Variants in SLC36A1 observed in about 807,000 individuals in gnomAD.
SLC36A1 encodes the protein solute carrier family 36 member 1.
Under a neutral mutation model 47.5 loss-of-function variants are expected in SLC36A1, and 30 were observed. The ratio of observed to expected loss-of-function variants is 0.63; its 90% CI spans 0.47 to 0.86. The LOEUF (loss-of-function observed/expected upper bound fraction) is 0.86, where lower values mean the gene tolerates loss of function less well. Among genes scored for constraint, SLC36A1 ranks in the 40% least tolerant of loss-of-function variants. The pLI, the probability that SLC36A1 is intolerant of heterozygous loss-of-function variation, is 0.00. For synonymous variants in SLC36A1, 255 were observed against 249.7 expected (o/e 1.02, Z -0.20); for missense variants, 517 against 606.0 (o/e 0.85, Z 1.54).
At chr5:151,356,354 A>C in the SLC36A1 span, among the ~76,000 whole-genome samples, 1 of 149,306 alleles carries the variant, frequency 6.7e-6, no homozygotes, top group Non-Finnish European at 1.5e-5. Context: ...AAAAAAAAAA[A>C]AAAAAAGAAT....
the SLC36A1 span, chr5:151,554,478 C>T: frequency 6.2e-7 from 1 of 1,614,096 alleles, no homozygotes; most frequent in South Asian, 1.1e-5. Flanking sequence ...GTGACTCTGC[C>T]ATTAAGACCC....
At chr5:151,407,835 C>T in the SLC36A1 span, among the ~76,000 whole-genome samples, 4 of 152,202 alleles carry the variant, frequency 2.6e-5, no homozygotes, top group Admixed American at 2.6e-4. Context: ...CTTAGAAATC[C>T]TCTGGTCTGA....
the SLC36A1 span, among the ~76,000 whole-genome samples, chr5:151,424,212 G>C: frequency 1.3e-5 from 2 of 152,194 alleles, no homozygotes; most frequent in Non-Finnish European, 2.9e-5. Context: ...CATTATGTTG[G>C]ACAGGACATG....
chr5:151,521,900 T>A, the SLC36A1 span: 1 of 1,613,820 alleles, frequency 6.2e-7, no homozygotes, highest in Non-Finnish European at 8.5e-7. Context: ...AGGCTATAGG[T>A]CAGCGTGTCC....
chr5:151,355,119 A>G, the SLC36A1 span, among the ~76,000 whole-genome samples: 1 of 152,184 alleles, frequency 6.6e-6, no homozygotes, highest in Non-Finnish European at 1.5e-5. Context: ...AGTGAGGTGT[A>G]ATAAAAAGAG....
At chr5:151,516,171 A>G in the SLC36A1 span, among the ~76,000 whole-genome samples, 1 of 152,154 alleles carries the variant, frequency 6.6e-6, no homozygotes, top group East Asian at 1.9e-4. Context: ...TTGCTCAATT[A>G]TTATCTCAAT....
chr5:151,473,156 CAGAA>C (rs1237153184), intron 7 of SLC36A1, among the ~76,000 whole-genome samples: 1 of 151,380 alleles, frequency 6.6e-6, no homozygotes, highest in Non-Finnish European at 1.5e-5. Flanking sequence ...GCCTGGGTGA[CAGAA>C]GGAGACTCTG....
chr5:151,371,904 A>G, the SLC36A1 span, among the ~76,000 whole-genome samples: 3 of 152,034 alleles, frequency 2.0e-5, no homozygotes. Context: ...AGACAGGGAA[A>G]GGGGAGGGAG....
chr5:151,416,372 A>G, the SLC36A1 span, among the ~76,000 whole-genome samples: 1 of 152,210 alleles, frequency 6.6e-6, no homozygotes, highest in Admixed American at 6.5e-5. Context: ...TGCTTTGATC[A>G]CAAGTAACAG....
At chr5:151,512,224 TCA>T in the SLC36A1 span, 1 of 1,614,070 alleles carries the variant, frequency 6.2e-7, no homozygotes. The surrounding 1 kb of genome is among the most constrained non-coding windows in gnomAD (Gnocchi z 4.1). Context: ...GCTGCAGTAG[TCA>T]CTGTGGAGGC....
chr5:151,400,473 T>A, the SLC36A1 span, among the ~76,000 whole-genome samples: 1 of 152,210 alleles, frequency 6.6e-6, no homozygotes, highest in East Asian at 1.9e-4. Context: ...AACATATGCA[T>A]GCATGTGTCT....
At chr5:151,492,876 G>A (rs1408646936), downstream of SLC36A1, among the ~76,000 whole-genome samples, 3 of 152,302 alleles carry the variant, frequency 2.0e-5, no homozygotes, top group East Asian at 5.8e-4. Context: ...AAGAAATTCT[G>A]CCTCCAGACT....
chr5:151,368,653 T>C, the SLC36A1 span, among the ~76,000 whole-genome samples: 1 of 152,248 alleles, frequency 6.6e-6, no homozygotes, highest in South Asian at 2.1e-4. Flanking sequence ...TTGTCCTCTG[T>C]TGCCAGCTTT....
At chr5:151,378,092 A>G in the SLC36A1 span, 13 of 351,490 alleles carry the variant, frequency 3.7e-5, no homozygotes, top group African/African-American at 2.6e-4. Context: ...ATACAGGTTG[A>G]TGTTGGCTAA....
the SLC36A1 span, among the ~76,000 whole-genome samples, chr5:151,365,852 C>T: frequency 8.0e-3 from 1,223 of 152,276 alleles, 20 homozygotes; most frequent in African/African-American, 0.028. Flanking sequence ...GCATTTTGTA[C>T]GTTGCCTGGC....
chr5:151,555,618 C>T, the SLC36A1 span, among the ~76,000 whole-genome samples: 1 of 152,160 alleles, frequency 6.6e-6, no homozygotes, highest in Admixed American at 6.5e-5. Context: ...GATCTGCCCG[C>T]CTCAGCCTCC....
At chr5:151,435,247 C>T (rs78507942), upstream of SLC36A1, among the ~76,000 whole-genome samples, 2 of 152,190 alleles carry the variant, frequency 1.3e-5, no homozygotes, top group Non-Finnish European at 2.9e-5. Flanking sequence ...TGCAGTCAGT[C>T]TGTCAGCTGT....
chr5:151,507,377 C>T, the SLC36A1 span: 1 of 1,614,184 alleles, frequency 6.2e-7, no homozygotes, highest in East Asian at 2.2e-5. Context: ...CGATGGCAGG[C>T]ATGGCTTGGG....
At chr5:151,547,672 C>T in the SLC36A1 span, among the ~76,000 whole-genome samples, 17 of 152,044 alleles carry the variant, frequency 1.1e-4, no homozygotes, top group African/African-American at 2.4e-5. Context: ...AATGAGTAGC[C>T]GTTTTAAAGT....
Sources: allele counts gnomAD v4.1 joint callset (sites outside exome capture counted in the v4.1 genomes callset), GRCh38; gene constraint gnomAD v4.1.1; non-coding constraint Gnocchi (gnomAD v3.1); transcripts MANE v1.5; gene names NCBI Gene and HGNC (gene_info 2026-07-23, HGNC 2026-07-21).